Variants in PRKN observed in about 807,000 individuals in gnomAD.
PRKN encodes the protein parkin RBR E3 ubiquitin protein ligase, also known as E3 ubiquitin-protein ligase parkin.
A neutral mutation model predicts 59.5 loss-of-function variants in PRKN; 56 were observed. The ratio of observed to expected loss-of-function variants is 0.94; its 90% confidence interval spans 0.76 to 1.18. The LOEUF (loss-of-function observed/expected upper bound fraction) is 1.18, where lower values mean the gene tolerates loss of function less well. Ranked by LOEUF, PRKN falls within the 50% of genes most tolerant of loss-of-function variation. PRKN has a pLI of 0.00. For synonymous variants in PRKN, 250 were observed against 222.1 expected, an observed-to-expected ratio of 1.13 and a Z score of -1.12; for missense variants, 657 against 596.4, an observed-to-expected ratio of 1.10 and a Z score of -1.06.
chr6:161,415,645 A>G (rs1214064555), intron 9 of PRKN, among the ~76,000 whole-genome samples: 1 of 105,064 alleles, frequency 9.5e-6, no homozygotes, highest in Admixed American at 1.2e-4. Context: ...GAACTAAGCC[A>G]CAGCCACCTC....
chr6:161,960,935 C>T (rs548653323), intron 6 of PRKN, among the ~76,000 whole-genome samples: 2 of 152,240 alleles, frequency 1.3e-5, no homozygotes, highest in South Asian at 2.1e-4. Flanking sequence ...TTGTGTGTAA[C>T]CCTAATCACT....
intron 1 of PRKN, among the ~76,000 whole-genome samples, chr6:162,699,440 A>G (rs1288598600): frequency 6.6e-6 from 1 of 152,192 alleles, no homozygotes; most frequent in East Asian, 1.9e-4. Flanking sequence ...CTGAATAGAT[A>G]ACATCTGGTA....
intron 4 of PRKN, among the ~76,000 whole-genome samples, chr6:162,192,615 G>A (rs964140190): frequency 2.0e-5 from 3 of 148,880 alleles, no homozygotes; most frequent in Non-Finnish European, 4.5e-5. Flanking sequence ...ACCACGCCCA[G>A]CTAATTTTTT....
intron 7 of PRKN, among the ~76,000 whole-genome samples, chr6:161,756,094 TC>T (rs1788905318): frequency 6.6e-6 from 1 of 152,116 alleles, no homozygotes; most frequent in Admixed American, 6.5e-5. Context: ...GCTAGTAGCT[TC>T]TACTTAGAAC....
chr6:162,588,218 C>T (rs1441152195), intron 1 of PRKN, among the ~76,000 whole-genome samples: 1 of 151,822 alleles, frequency 6.6e-6, no homozygotes, highest in Non-Finnish European at 1.5e-5. Context: ...ACCATGTTGG[C>T]CAGGCTGGTC....
At chr6:162,526,081 G>C (rs1279822060) in intron 1 of PRKN, among the ~76,000 whole-genome samples, 3 of 152,092 alleles carry the variant, frequency 2.0e-5, no homozygotes, top group Admixed American at 6.5e-5. Context: ...AGGCTCAAGC[G>C]ATCCGCCTGC....
At chr6:162,456,985 C>T (rs1035763310) in intron 1 of PRKN, among the ~76,000 whole-genome samples, 28 of 152,246 alleles carry the variant, frequency 1.8e-4, no homozygotes, top group Admixed American at 5.2e-4. Flanking sequence ...AAAAACATGA[C>T]ACTACATAGA....
At chr6:162,605,315 CA>C (rs1433368005) in intron 1 of PRKN, among the ~76,000 whole-genome samples, 1 of 152,050 alleles carries the variant, frequency 6.6e-6, no homozygotes, top group African/African-American at 2.4e-5. Flanking sequence ...TCCCTTACCC[CA>C]AAACCCAAGA....
intron 2 of PRKN, among the ~76,000 whole-genome samples, chr6:162,345,255 A>AT (rs973948207): frequency 9.8e-5 from 15 of 152,312 alleles, no homozygotes; most frequent in African/African-American, 3.4e-4. Context: ...GAAAATGGTC[A>AT]TTTTAAGAAT....
chr6:161,374,360 C>T (rs2114906238), intron 10 of PRKN, among the ~76,000 whole-genome samples: 1 of 139,560 alleles, frequency 7.2e-6, no homozygotes, highest in South Asian at 2.4e-4. Flanking sequence ...ATGTGTGCGC[C>T]GTGTGTGTTG....
chr6:161,905,648 TTA>T (rs1562380818), intron 6 of PRKN, among the ~76,000 whole-genome samples: 1 of 151,910 alleles, frequency 6.6e-6, no homozygotes, highest in East Asian at 1.9e-4. Context: ...TGGGTTTTAT[TTA>T]TATATATATT....
chr6:162,492,525 G>A (rs1348034331), intron 1 of PRKN, among the ~76,000 whole-genome samples: 2 of 152,202 alleles, frequency 1.3e-5, no homozygotes, highest in Admixed American at 6.5e-5. Flanking sequence ...ATGGCCGGGT[G>A]CAGTGGCTCA....
chr6:161,988,566 G>A (rs1781525976), intron 5 of PRKN, among the ~76,000 whole-genome samples: 1 of 151,928 alleles, frequency 6.6e-6, no homozygotes, highest in East Asian at 1.9e-4. Flanking sequence ...ACAATAAAGT[G>A]TTTCAATCAG....
intron 9 of PRKN, among the ~76,000 whole-genome samples, chr6:161,509,553 T>C (rs995958428): frequency 6.6e-6 from 1 of 151,666 alleles, no homozygotes; most frequent in Admixed American, 6.6e-5. Flanking sequence ...AGAATGCCCA[T>C]CTAGTGCACC....
chr6:162,083,484 TC>T (rs1292763908), intron 4 of PRKN, among the ~76,000 whole-genome samples: 1 of 152,140 alleles, frequency 6.6e-6, no homozygotes, highest in Non-Finnish European at 1.5e-5. Context: ...TGTACTGTTT[TC>T]ATTTTCATCA....
intron 2 of PRKN, among the ~76,000 whole-genome samples, chr6:162,379,981 C>T (rs1305064911): frequency 1.3e-5 from 2 of 152,070 alleles, no homozygotes; most frequent in Non-Finnish European, 2.9e-5. Flanking sequence ...AAACAGAAAC[C>T]CTGCGGGACT....
chr6:161,866,088 G>T (rs570235159), intron 6 of PRKN, among the ~76,000 whole-genome samples: 202 of 152,174 alleles, frequency 1.3e-3, no homozygotes, highest in African/African-American at 4.6e-3. Context: ...GAGGCCCAAG[G>T]GTGGGGAGAG....
intron 4 of PRKN, among the ~76,000 whole-genome samples, chr6:162,120,967 C>T (rs952332561): frequency 2.0e-5 from 3 of 152,296 alleles, no homozygotes; most frequent in Admixed American, 6.5e-5. Flanking sequence ...AGCTGCTCTT[C>T]CAGATATGAT....
intron 6 of PRKN, among the ~76,000 whole-genome samples, chr6:161,826,742 G>A (rs1207240821): frequency 2.0e-5 from 3 of 152,182 alleles, no homozygotes; most frequent in African/African-American, 7.2e-5. Context: ...AAATACATTT[G>A]CTTGGTATCC....
Sources: allele counts gnomAD v4.1 joint callset (sites outside exome capture counted in the v4.1 genomes callset), GRCh38; gene constraint gnomAD v4.1.1; transcripts MANE v1.5; gene names NCBI Gene and HGNC (gene_info 2026-07-23, HGNC 2026-07-21).